The following HOPX variants were observed in gnomAD, a reference collection of about 807,000 sequenced individuals.
HOPX encodes the protein homeodomain-only protein.
Under a neutral mutation model 11.8 loss-of-function variants are expected in HOPX, and 5 were observed. That is an observed-to-expected ratio of 0.43 (90% CI 0.22 to 0.89). The LOEUF is 0.89. HOPX is among the 40% of genes least tolerant of loss of function. The pLI, the probability that HOPX is intolerant of heterozygous loss-of-function variation, is 0.28. For missense variants in HOPX, 119 were observed against 120.0 expected (o/e 0.99, Z 0.04); for synonymous variants, 49 against 49.7 (o/e 0.99, Z 0.06).
intron 3 of HOPX, among the ~76,000 whole-genome samples, chr4:56,651,765 G>A (rs1397773956): frequency 2.0e-5 from 3 of 151,884 alleles, no homozygotes; most frequent in Non-Finnish European, 4.4e-5. Context: ...AACAAGCTCA[G>A]GACATCAAGA....
upstream of HOPX, chr4:56,681,563 C>T: frequency 6.0e-6 from 6 of 1,000,234 alleles, no homozygotes; most frequent in Non-Finnish European, 7.2e-6. Context: ...GCCAAGCAAG[C>T]TTCTTCACCA....
intron 3 of HOPX, among the ~76,000 whole-genome samples, chr4:56,652,243 A>G (rs1187350119): frequency 6.6e-6 from 1 of 152,214 alleles, no homozygotes; most frequent in Non-Finnish European, 1.5e-5. Context: ...CTCCCAAGAC[A>G]GAGAATGTTT....
At chr4:56,653,300 T>C (rs1717386281) in intron 3 of HOPX, among the ~76,000 whole-genome samples, 2 of 152,142 alleles carry the variant, frequency 1.3e-5, no homozygotes, top group Admixed American at 1.3e-4. Context: ...CAAGCAATCT[T>C]CCTGCCTCAG....
At chr4:56,658,944 TG>T (rs1198120359) in intron 1 of HOPX, among the ~76,000 whole-genome samples, 2 of 152,254 alleles carry the variant, frequency 1.3e-5, no homozygotes, top group Non-Finnish European at 2.9e-5. Context: ...TTCCAATGCT[TG>T]GGGTAGACAG....
chr4:56,669,902 T>TA (rs1300950530), intron 1 of HOPX, among the ~76,000 whole-genome samples: 1 of 152,126 alleles, frequency 6.6e-6, no homozygotes, highest in African/African-American at 2.4e-5. Context: ...GAACAACATA[T>TA]ACTTAACCAC....
chr4:56,648,660 G>T lies in HOPX; in HGVS notation c.*60C>A. On this transcript the variant is annotated 3_prime_UTR_variant, in exon 4 of 4. Coordinates refer to ENST00000420433, the MANE Select transcript of HOPX (RefSeq NM_032495.6). ...TGAAAAACCACAACAGCTTGGTTAA[G>T]CGGAGGAGAGAAACAGAGATGGCCT... is the stretch of plus-strand genomic sequence containing the variant. 7.9e-7 allele frequency: 1 copy of T among 1,271,064 alleles called. No homozygotes were observed. Among genetic ancestry groups the T allele is most frequent in the African/African-American group, 1.5e-5 (1 of 68,288 alleles). 78.7% of individuals were successfully genotyped at this position (1,271,064 alleles called of 1,614,324 possible).
intron 1 of HOPX, among the ~76,000 whole-genome samples, chr4:56,674,815 A>G (rs1018029727): frequency 1.3e-5 from 2 of 151,006 alleles, no homozygotes; most frequent in African/African-American, 4.9e-5. Context: ...CATCGTGATC[A>G]TAGCTCACTG....
chr4:56,665,059 G>A (rs1162634873), intron 1 of HOPX: 2 of 152,142 alleles, frequency 1.3e-5, no homozygotes, highest in Non-Finnish European at 2.9e-5. Context: ...GGGCTCAAGC[G>A]ATCTTCTCAC....
At chr4:56,656,196 G>A (rs1393597967) in intron 2 of HOPX, 184 bp from the exon 3 acceptor site, 21 of 1,122,436 alleles carry the variant, frequency 1.9e-5, no homozygotes, top group Non-Finnish European at 1.7e-5. Context: ...CCCCCCACCC[G>A]GGCCTCCCTC....
intron 1 of HOPX, among the ~76,000 whole-genome samples, chr4:56,671,473 T>C (rs1034137606): frequency 6.6e-6 from 1 of 152,094 alleles, no homozygotes; most frequent in Non-Finnish European, 1.5e-5. Flanking sequence ...CATTCTTATT[T>C]TATGACTATA....
At chr4:56,649,924 C>A (rs1716997873) in intron 3 of HOPX, 1 of 152,242 alleles carries the variant, frequency 6.6e-6, no homozygotes, top group East Asian at 1.9e-4. Context: ...GATGAGCAAG[C>A]ATTGACCTAC....
At chr4:56,681,074 T>G in intron 1 of HOPX, 181 bp downstream of exon 1, 2 of 985,230 alleles carry the variant, frequency 2.0e-6, no homozygotes, top group Non-Finnish European at 2.4e-6. Flanking sequence ...AAGGGACTGA[T>G]GTCTTACACC....
At chr4:56,676,188 C>A (rs1239418050) in intron 1 of HOPX, among the ~76,000 whole-genome samples, 1 of 151,504 alleles carries the variant, frequency 6.6e-6, no homozygotes, top group East Asian at 1.9e-4. Flanking sequence ...GTCCCAACTA[C>A]TCTAGAGGCT....
rs756794370 is a variant in HOPX, at chr4:56,648,833, T to C, written c.199-36A>G. ...GAAATGAGAAAAAATATTTGTCACATACAGAAAAACTGAAATGCCTGTTCC... is the reference window on the plus strand; with the variant it reads ...GAAATGAGAAAAAATATTTGTCACACACAGAAAAACTGAAATGCCTGTTCC... On this transcript the variant is annotated intron_variant, in intron 3 of 3. Coordinates refer to ENST00000420433, the MANE Select transcript of HOPX (RefSeq NM_032495.6). 3.9e-6 allele frequency: 6 copies of C among 1,540,574 alleles called. No homozygotes were observed. In the Admixed American group the frequency reaches 8.5e-5, roughly 22 times the overall value.
intron 1 of HOPX, among the ~76,000 whole-genome samples, chr4:56,658,803 A>G (rs1447547436): frequency 6.6e-6 from 1 of 152,220 alleles, no homozygotes; most frequent in Admixed American, 6.5e-5. Flanking sequence ...TGTTGTGGCT[A>G]TTCATATCTC....
At chr4:56,656,264 GCC>G in intron 2 of HOPX, 1 of 1,164,970 alleles carries the variant, frequency 8.6e-7, no homozygotes, top group Non-Finnish European at 1.1e-6. Context: ...CGCCTCCCGC[GCC>G]CCCCGGGACC....
chr4:56,673,691 T>C (rs1718857925), intron 1 of HOPX, among the ~76,000 whole-genome samples: 1 of 152,158 alleles, frequency 6.6e-6, no homozygotes, highest in Non-Finnish European at 1.5e-5. Flanking sequence ...ATCAGGCCTT[T>C]CTGTGTTCCT....
At chr4:56,658,234 T>C (rs927014740) in intron 1 of HOPX, among the ~76,000 whole-genome samples, 3 of 152,230 alleles carry the variant, frequency 2.0e-5, no homozygotes, top group Non-Finnish European at 2.9e-5. Context: ...TTCCCCTCTT[T>C]TTTGGTTATT....
At chr4:56,651,858 AAGAGAG>A (rs72305569) in intron 3 of HOPX, among the ~76,000 whole-genome samples, 3,377 of 105,194 alleles carry the variant, frequency 0.032, 46 homozygotes, top group African/African-American at 0.036. Context: ...GAGAGAGAGA[AAGAGAG>A]AGAGAGAGAG....
Sources: gnomAD v4.1 joint callset for allele counts (sites outside exome capture counted in the v4.1 genomes callset) on GRCh38, gnomAD v4.1.1 for gene constraint, MANE v1.5 for transcripts, NCBI Gene and HGNC (gene_info 2026-07-23, HGNC 2026-07-21) for gene names.